The following PRKCE variants were observed in gnomAD, a reference collection of about 807,000 sequenced individuals.
PRKCE encodes the protein protein kinase C epsilon type.
In PRKCE, 16 loss-of-function variants were observed where a neutral mutation model predicts 85.4. The observed-to-expected ratio is 0.19, with a 90% CI of 0.13 to 0.28. The LOEUF (loss-of-function observed/expected upper bound fraction) is 0.28, where lower values mean the gene tolerates loss of function less well. PRKCE is among the 10% of genes least tolerant of loss of function. The pLI is 1.00. For missense variants in PRKCE, 573 were observed against 975.2 expected (o/e 0.59, Z 5.49); for synonymous variants, 388 against 371.5 (o/e 1.04, Z -0.51).
chr2:45,730,059 A>G (rs913829049), intron 1 of PRKCE, among the ~76,000 whole-genome samples: 4 of 152,234 alleles, frequency 2.6e-5, no homozygotes, highest in Non-Finnish European at 4.4e-5. Context: ...AAAGAGGAAG[A>G]AAAACAGAAA....
chr2:46,158,670 T>C (rs1381897994), intron 13 of PRKCE, among the ~76,000 whole-genome samples: 1 of 152,178 alleles, frequency 6.6e-6, no homozygotes, highest in Admixed American at 6.5e-5. Flanking sequence ...TCTCTCAAGT[T>C]CCTCTGTTTA....
chr2:45,658,907 G>C (rs1675507596), intron 1 of PRKCE, among the ~76,000 whole-genome samples: 1 of 152,234 alleles, frequency 6.6e-6, no homozygotes, highest in Non-Finnish European at 1.5e-5. Flanking sequence ...GATTGTTCTG[G>C]AAAGTCTAGA....
intron 2 of PRKCE, among the ~76,000 whole-genome samples, chr2:45,909,289 G>A (rs888541635): frequency 6.6e-6 from 1 of 152,182 alleles, no homozygotes; most frequent in Admixed American, 6.5e-5. Context: ...GCTCCAATTG[G>A]TTTATGAGTT....
chr2:45,914,006 AT>A (rs1192229736), intron 2 of PRKCE, among the ~76,000 whole-genome samples: 1 of 152,218 alleles, frequency 6.6e-6, no homozygotes, highest in African/African-American at 2.4e-5. Context: ...TACAAACTTA[AT>A]GGAGCCTAGT....
intron 2 of PRKCE, chr2:45,845,392 T>A (rs1691700853): frequency 1.5e-5 from 2 of 137,744 alleles, no homozygotes. Flanking sequence ...TTTTTTTTTT[T>A]AGTGAAAATA....
At chr2:46,151,945 A>C (rs987017144) in intron 13 of PRKCE, among the ~76,000 whole-genome samples, 6 of 152,246 alleles carry the variant, frequency 3.9e-5, no homozygotes, top group African/African-American at 1.4e-4. Flanking sequence ...AGGGAAGTTA[A>C]GCAAGCAGTC....
At chr2:46,154,850 A>G (rs1677043631) in intron 13 of PRKCE, among the ~76,000 whole-genome samples, 1 of 150,526 alleles carries the variant, frequency 6.6e-6, no homozygotes, top group Non-Finnish European at 1.5e-5. Flanking sequence ...TATATTATGT[A>G]TTATGTTTAT....
intron 1 of PRKCE, chr2:45,840,605 T>A (rs933016522): frequency 1.2e-4 from 19 of 152,128 alleles, no homozygotes; most frequent in Admixed American, 3.9e-4. Flanking sequence ...CTCGTGGCAC[T>A]CCCTCACTCC....
At chr2:45,679,794 C>G (rs890309235) in intron 1 of PRKCE, among the ~76,000 whole-genome samples, 2 of 152,140 alleles carry the variant, frequency 1.3e-5, no homozygotes, top group African/African-American at 4.8e-5. Context: ...ACTTTGCCTT[C>G]CTTCTTCTGT....
intron 14 of PRKCE, among the ~76,000 whole-genome samples, chr2:46,181,395 A>G (rs1226120695): frequency 6.6e-6 from 1 of 152,164 alleles, no homozygotes; most frequent in East Asian, 1.9e-4. Context: ...CAAGTTGTAT[A>G]AGGAGATGGG....
At chr2:46,162,595 G>A (rs1017075680) in intron 14 of PRKCE, among the ~76,000 whole-genome samples, 6 of 152,152 alleles carry the variant, frequency 3.9e-5, no homozygotes, top group East Asian at 1.9e-4. Context: ...GAATTCAGTT[G>A]GGAGGAGAGA....
intron 8 of PRKCE, among the ~76,000 whole-genome samples, chr2:46,005,442 C>A (rs1221723802): frequency 1.3e-5 from 2 of 152,162 alleles, no homozygotes; most frequent in Non-Finnish European, 2.9e-5. Context: ...TTCTATATCC[C>A]TTTTTGTATT....
chr2:46,047,915 A>C (rs1708624328), intron 10 of PRKCE, among the ~76,000 whole-genome samples: 2 of 152,242 alleles, frequency 1.3e-5, no homozygotes, highest in Non-Finnish European at 2.9e-5. Context: ...ATTTGGTTTT[A>C]AAATGCAATT....
chr2:46,090,985 T>A (rs2103955514), intron 11 of PRKCE, among the ~76,000 whole-genome samples: 1 of 152,304 alleles, frequency 6.6e-6, no homozygotes, highest in South Asian at 2.1e-4. Context: ...AGCAGCTAAT[T>A]GGTTCATGTC....
At chr2:45,918,740 G>T (rs1296635846) in intron 2 of PRKCE, among the ~76,000 whole-genome samples, 2 of 152,290 alleles carry the variant, frequency 1.3e-5, no homozygotes, top group African/African-American at 4.8e-5. Context: ...GTGGGCCTGG[G>T]GCTGAGGCAC....
intron 1 of PRKCE, among the ~76,000 whole-genome samples, chr2:45,782,483 C>T (rs1686266966): frequency 6.6e-6 from 1 of 152,120 alleles, no homozygotes; most frequent in Non-Finnish European, 1.5e-5. Flanking sequence ...TGTGCATCTC[C>T]AGCCGGTGAC....
intron 12 of PRKCE, among the ~76,000 whole-genome samples, chr2:46,150,501 AG>A (rs1422106123): frequency 1.3e-5 from 2 of 152,310 alleles, no homozygotes; most frequent in East Asian, 3.9e-4. Flanking sequence ...AGACCATTAC[AG>A]GGTGGGGGAG....
rs537007271 is a variant in PRKCE at position 45,966,168 on chromosome 2, T to G, written c.413-10261T>G. ...TTTCACAAGACAGTTATTTAACCTC[T>G]TTGTGCCAAAAGTAATGCCTTGTGA... On this transcript the variant is annotated intron_variant, in intron 2 of 14. Coordinates refer to ENST00000306156, the MANE Select transcript of PRKCE (RefSeq NM_005400.3). Among the ~76,000 whole-genome samples the G allele has an allele frequency of 3.9e-5, 6 of 152,334 alleles. No homozygotes were observed. In the South Asian group the frequency reaches 1.2e-3, roughly 32 times the overall value.
At chr2:46,075,561 A>T (rs184258156) in intron 10 of PRKCE, among the ~76,000 whole-genome samples, 58 of 152,008 alleles carry the variant, frequency 3.8e-4, no homozygotes, top group African/African-American at 1.1e-3. Context: ...GGCCTGGGCA[A>T]CATAACAAAA....
Sources: allele counts gnomAD v4.1 joint callset (sites outside exome capture counted in the v4.1 genomes callset), GRCh38; gene constraint gnomAD v4.1.1; transcripts MANE v1.5; gene names NCBI Gene and HGNC (gene_info 2026-07-23, HGNC 2026-07-21).